The following TENM2 variants were observed in gnomAD, a reference collection of about 807,000 sequenced individuals.
TENM2 encodes teneurin-2.
Under a neutral mutation model 245.2 loss-of-function variants are expected in TENM2, and 52 were observed. That is an observed-to-expected ratio of 0.21 (90% confidence interval 0.17 to 0.27). The LOEUF (loss-of-function observed/expected upper bound fraction) is 0.27, where lower values mean the gene tolerates loss of function less well. Ranked by LOEUF, TENM2 falls within the 10% of genes least tolerant of loss-of-function variation. The pLI is 1.00. For synonymous variants in TENM2, 1,363 were observed against 1,438.9 expected (o/e 0.95, Z 1.19); for missense variants, 3,046 against 3,666.8 (o/e 0.83, Z 4.37).
At chr5:167,144,247 C>T in the TENM2 span, among the ~76,000 whole-genome samples, 4 of 152,138 alleles carry the variant, frequency 2.6e-5, no homozygotes, top group Admixed American at 1.3e-4. Context: ...TGTCTTTACA[C>T]TTCAGCTGCA....
At chr5:167,538,386 T>A (rs1771987407) in intron 2 of TENM2, among the ~76,000 whole-genome samples, 1 of 152,242 alleles carries the variant, frequency 6.6e-6, no homozygotes, top group Admixed American at 6.5e-5. Flanking sequence ...AGAACAGCCT[T>A]CATTTCCCAG....
the TENM2 span, among the ~76,000 whole-genome samples, chr5:166,996,311 C>T: frequency 6.6e-6 from 1 of 152,112 alleles, no homozygotes; most frequent in African/African-American, 2.4e-5. Flanking sequence ...CCACTGCAGT[C>T]CAGCCTGGGC....
At chr5:167,938,719 C>G (rs1417516345) in intron 3 of TENM2, 1 of 152,140 alleles carries the variant, frequency 6.6e-6, no homozygotes, top group African/African-American at 2.4e-5. Flanking sequence ...CCAAGGCAGT[C>G]AGATCACGAG....
chr5:168,027,263 C>T (rs1188835371), intron 5 of TENM2, among the ~76,000 whole-genome samples: 2 of 152,130 alleles, frequency 1.3e-5, no homozygotes, highest in African/African-American at 2.4e-5. Flanking sequence ...AGATCATTGG[C>T]ACTTCATTAA....
intron 2 of TENM2, among the ~76,000 whole-genome samples, chr5:167,603,432 C>T (rs1048405653): frequency 1.3e-5 from 2 of 152,150 alleles, no homozygotes; most frequent in African/African-American, 4.8e-5. Flanking sequence ...CCTGTAATCC[C>T]AGCATTTCGA....
chr5:167,463,341 A>G (rs185343079), intron 2 of TENM2, among the ~76,000 whole-genome samples: 1 of 152,302 alleles, frequency 6.6e-6, no homozygotes, highest in Non-Finnish European at 1.5e-5. Flanking sequence ...ATTCTGGACC[A>G]TCTTCGTCAG....
intron 2 of TENM2, among the ~76,000 whole-genome samples, chr5:167,848,853 G>A (rs1170735717): frequency 1.3e-5 from 2 of 152,110 alleles, no homozygotes; most frequent in African/African-American, 2.4e-5. Flanking sequence ...CCCCTGCTAC[G>A]GGTGATCCTG....
chr5:166,991,185 T>C, the TENM2 span, among the ~76,000 whole-genome samples: 20 of 139,786 alleles, frequency 1.4e-4, no homozygotes, highest in Admixed American at 2.1e-4. Flanking sequence ...TTTTTTTTTT[T>C]CCAAATCTTC....
intron 1 of TENM2, among the ~76,000 whole-genome samples, chr5:167,373,256 A>C (rs929120152): frequency 2.6e-5 from 4 of 152,246 alleles, no homozygotes; most frequent in African/African-American, 9.6e-5. Context: ...ATTACAAATT[A>C]AAGTCCCACT....
intron 2 of TENM2, among the ~76,000 whole-genome samples, chr5:167,553,174 G>A (rs1473022948): frequency 6.6e-6 from 1 of 152,200 alleles, no homozygotes; most frequent in Non-Finnish European, 1.5e-5. Context: ...ACTAAAGGAT[G>A]AAGAATAGTG....
intron 2 of TENM2, among the ~76,000 whole-genome samples, chr5:167,528,168 A>G (rs558030695): frequency 2.0e-5 from 3 of 152,296 alleles, no homozygotes; most frequent in African/African-American, 7.2e-5. Context: ...TTAGGGAGCA[A>G]TGCTGAATGA....
At chr5:167,676,568 G>T (rs1756343918) in intron 2 of TENM2, among the ~76,000 whole-genome samples, 1 of 152,048 alleles carries the variant, frequency 6.6e-6, no homozygotes, top group Admixed American at 6.6e-5. Flanking sequence ...ATATACATTT[G>T]TGTCTGCCCC....
chr5:168,191,253 G>A (rs1241975661), intron 14 of TENM2, among the ~76,000 whole-genome samples: 2 of 152,218 alleles, frequency 1.3e-5, no homozygotes, highest in Non-Finnish European at 2.9e-5. Flanking sequence ...AGTTAGAACT[G>A]TGCTCCTGGA....
intron 1 of TENM2, among the ~76,000 whole-genome samples, chr5:167,297,730 G>A (rs1338328081): frequency 6.6e-6 from 1 of 151,996 alleles, no homozygotes; most frequent in Non-Finnish European, 1.5e-5. Context: ...TGAAAAGAGA[G>A]TCAGCAAAGG....
At chr5:167,287,420 G>T (rs1754352170) in intron 1 of TENM2, 1 of 152,168 alleles carries the variant, frequency 6.6e-6, no homozygotes, top group African/African-American at 2.4e-5. Context: ...AAGGATCATA[G>T]TGGGATCATC....
At chr5:167,017,449 A>G in the TENM2 span, among the ~76,000 whole-genome samples, 1 of 152,198 alleles carries the variant, frequency 6.6e-6, no homozygotes, top group Admixed American at 6.5e-5. Flanking sequence ...TAACTGCTCA[A>G]CTCTGCCATC....
chr5:168,020,109 C>A (rs1168387019), intron 5 of TENM2, among the ~76,000 whole-genome samples: 3 of 152,328 alleles, frequency 2.0e-5, no homozygotes, highest in Admixed American at 1.3e-4. Context: ...GATTTACAAT[C>A]AGCATCAAAT....
chr5:167,851,625 T>C (rs1259253998), intron 2 of TENM2, among the ~76,000 whole-genome samples: 1 of 152,160 alleles, frequency 6.6e-6, no homozygotes, highest in African/African-American at 2.4e-5. Flanking sequence ...TTCCAGGGCT[T>C]AAGCTTTGAT....
chr5:168,194,633 C>T (rs1172713637), intron 14 of TENM2, among the ~76,000 whole-genome samples: 1 of 152,040 alleles, frequency 6.6e-6, no homozygotes, highest in Non-Finnish European at 1.5e-5. Flanking sequence ...CCAAAGTTCT[C>T]GTTTCCTCAG....
Sources: gnomAD v4.1 joint callset for allele counts (sites outside exome capture counted in the v4.1 genomes callset) on GRCh38, gnomAD v4.1.1 for gene constraint, MANE v1.5 for transcripts, NCBI Gene and HGNC (gene_info 2026-07-23, HGNC 2026-07-21) for gene names.